ADAMTS18: variants seen among roughly 807,000 people sequenced by gnomAD.
ADAMTS18 encodes the protein A disintegrin and metalloproteinase with thrombospondin motifs 18.
In ADAMTS18, 157 loss-of-function variants were observed where a neutral mutation model predicts 165.9. The ratio of observed to expected loss-of-function variants is 0.95; its 90% CI spans 0.83 to 1.08. The LOEUF is 1.08. Among genes scored for constraint, ADAMTS18 ranks in the 50% least tolerant of loss-of-function variants. The probability of loss-of-function intolerance (pLI) is 0.00; values close to 1 mark genes in which losing one functional copy is unlikely to be tolerated. For missense variants in ADAMTS18, 2,040 were observed against 1,534.0 expected, an observed-to-expected ratio of 1.33 and a Z score of -5.51; for synonymous variants, 782 against 578.2, an observed-to-expected ratio of 1.35 and a Z score of -5.06.
At position 77,294,950 on chromosome 16, in the gene ADAMTS18, T is replaced by C. The variant is rs763693273; in HGVS notation, c.2979A>G (p.Pro993=). 5.6e-6 allele frequency: 9 copies of C among 1,614,054 alleles called. No individual in the cohort carries two copies. The highest frequency in any genetic ancestry group is 2.7e-5 in the African/African-American group (2 of 74,942). Residue 993 remains proline, a synonymous_variant, in exon 19 of 23, where the codon CCA becomes CCG. Transcript: ENST00000282849. ...VQACNSHACP[P]QWSLGPWSQC... ...GAGACCAGGGTCCAAGGCTCCATTGTGGAGGGCAGGCATGGCTGTTGCAGG... is the reference window on the plus strand; with the variant it reads ...GAGACCAGGGTCCAAGGCTCCATTGCGGAGGGCAGGCATGGCTGTTGCAGG...
In ADAMTS18 at chr16:77,289,178, G is replaced by C. The variant is rs906373968; in HGVS notation, c.3550+86C>G. On this transcript the variant is annotated intron_variant, in intron 22 of 22. Coordinates refer to ENST00000282849, the MANE Select transcript of ADAMTS18 (RefSeq NM_199355.4). ...ATGGCTTACCCTAGAGTTGTACAAT[G>C]TCACAGGCTGCACTACTAACAAAGT... 1.2e-5 allele frequency: 19 copies of C among 1,527,600 alleles called. No homozygotes were observed. The Admixed American group carries it at 3.2e-4, about 26-fold the overall frequency. The allele number at this position is 1,527,600 out of a possible 1,614,324, so 94.6% of individuals were successfully genotyped here.
intron 3 of ADAMTS18, among the ~76,000 whole-genome samples, chr16:77,419,149 A>AG (rs1335532618): frequency 1.1e-5 from 1 of 95,234 alleles, no homozygotes; most frequent in African/African-American, 3.2e-5. Flanking sequence ...ACTCCATCTC[A>AG]GGGGGAAAAA....
intron 3 of ADAMTS18, among the ~76,000 whole-genome samples, chr16:77,411,011 C>G (rs753517248): frequency 6.6e-6 from 1 of 152,180 alleles, no homozygotes; most frequent in Non-Finnish European, 1.5e-5. Flanking sequence ...CTTATTCCAA[C>G]TGAAACCCTC....
intron 3 of ADAMTS18, among the ~76,000 whole-genome samples, chr16:77,424,121 T>C (rs578215501): frequency 2.8e-4 from 43 of 152,262 alleles, no homozygotes; most frequent in South Asian, 1.5e-3. Flanking sequence ...GGAAGCCCAG[T>C]ACTTACAACA....
At position 77,303,103 on chromosome 16, in the gene ADAMTS18, C is replaced by G. The variant is rs1016673021; in HGVS notation, c.2533-2699G>C. On this transcript the variant is annotated intron_variant, in intron 16 of 22. Coordinates refer to ENST00000282849, the MANE Select transcript of ADAMTS18 (RefSeq NM_199355.4). ...CTCCCCTGCTGTCACTCAGGATGCC[C>G]TGTCCTGGCTCCAAGTCCAAGTTCT... Among the ~76,000 whole-genome samples, 44 of 152,206 alleles carry G rather than the reference C, an allele frequency of 2.9e-4. 1 individual carries two copies. Among genetic ancestry groups the G allele is most frequent in the Non-Finnish European group, 1.0e-4 (7 of 68,044 alleles).
At chr16:77,312,219 C>G (rs1458649858) in intron 16 of ADAMTS18, among the ~76,000 whole-genome samples, 1 of 150,964 alleles carries the variant, frequency 6.6e-6, no homozygotes, top group Non-Finnish European at 1.5e-5. Flanking sequence ...TTCCATTCCT[C>G]AAAAAAAACT....
chr16:77,402,420 G>C, intron 3 of ADAMTS18, among the ~76,000 whole-genome samples: 1 of 152,152 alleles, frequency 6.6e-6, no homozygotes, highest in African/African-American at 2.4e-5. Context: ...CCTTCTACGT[G>C]TGTTAGGTTC....
chr16:77,387,729 G>C (rs2057129242), intron 3 of ADAMTS18, among the ~76,000 whole-genome samples: 1 of 152,118 alleles, frequency 6.6e-6, no homozygotes, highest in Non-Finnish European at 1.5e-5. Flanking sequence ...AAAAAGTTTT[G>C]ATTCTCCAAC....
intron 3 of ADAMTS18, among the ~76,000 whole-genome samples, chr16:77,393,463 C>T (rs1313689042): frequency 2.6e-5 from 4 of 152,176 alleles, no homozygotes; most frequent in African/African-American, 9.7e-5. Flanking sequence ...TTGTATCACT[C>T]CAACATTCAC....
intron 11 of ADAMTS18, among the ~76,000 whole-genome samples, chr16:77,336,876 TAA>T (rs1024739802): frequency 1.1e-4 from 16 of 152,358 alleles, no homozygotes; most frequent in African/African-American, 3.8e-4. Flanking sequence ...TGCTCTTTTC[TAA>T]AAGCCTCTGC....
intron 8 of ADAMTS18, among the ~76,000 whole-genome samples, chr16:77,356,937 C>G (rs1194575509): frequency 6.8e-6 from 1 of 148,120 alleles, no homozygotes; most frequent in African/African-American, 2.5e-5. Context: ...AAATAAGAGT[C>G]TTTGATCTTC....
chr16:77,332,301 C>A (rs76174427), intron 12 of ADAMTS18, among the ~76,000 whole-genome samples: 86 of 152,262 alleles, frequency 5.6e-4, no homozygotes, highest in African/African-American at 2.0e-3. Flanking sequence ...CTTCAAAAGT[C>A]AGTTTCGTCA....
chr16:77,434,482 G>C lies in ADAMTS18; in HGVS notation c.114C>G (p.Cys38Trp). 2 of 1,567,708 alleles carry C rather than the reference G, an allele frequency of 1.3e-6. No individual in the cohort carries two copies. Among genetic ancestry groups the C allele is most frequent in the South Asian group, 2.3e-5 (2 of 86,298 alleles). Reference sequence around the variant, plus strand: ...CTAAGGCCGCGGCGACCGACGCACAGCAGAGGCAGCACAGCTGGAGCGCCT... The same window carrying C: ...CTAAGGCCGCGGCGACCGACGCACACCAGAGGCAGCACAGCTGGAGCGCCT... The part of the protein sequence containing the change: ...VAKALQLCCL[C>W]CASVAAALAS... Residue 38 changes from cysteine (C) to tryptophan (W), a missense_variant, in exon 2 of 23, where the codon TGC becomes TGG. By Grantham distance (215) the Cys-to-Trp change is radical. Transcript: ENST00000282849.
chr16:77,342,051 G>C (rs1284287212), intron 10 of ADAMTS18, among the ~76,000 whole-genome samples: 3 of 152,150 alleles, frequency 2.0e-5, no homozygotes, highest in Non-Finnish European at 4.4e-5. Context: ...AGTTAATTTA[G>C]AGAACACTTG....
intron 3 of ADAMTS18, among the ~76,000 whole-genome samples, chr16:77,397,345 T>G (rs907873865): frequency 2.0e-5 from 3 of 152,202 alleles, no homozygotes; most frequent in Admixed American, 1.3e-4. Flanking sequence ...TAAAGGATGT[T>G]AGACTTCCCA....
chr16:77,330,107 G>A (rs1014797774), intron 12 of ADAMTS18, among the ~76,000 whole-genome samples: 7 of 152,088 alleles, frequency 4.6e-5, no homozygotes, highest in Non-Finnish European at 7.4e-5. Flanking sequence ...AACACACCTG[G>A]TGATTCTGAT....
intron 18 of ADAMTS18, among the ~76,000 whole-genome samples, chr16:77,295,857 T>C (rs1597088628): frequency 6.6e-6 from 1 of 152,136 alleles, no homozygotes; most frequent in Non-Finnish European, 1.5e-5. Context: ...CTTTTTTTGT[T>C]TTTGAGATGG....
At chr16:77,347,744 G>A (rs551879843) in intron 10 of ADAMTS18, among the ~76,000 whole-genome samples, 3 of 152,058 alleles carry the variant, frequency 2.0e-5, no homozygotes, top group Admixed American at 6.5e-5. Context: ...TTTGGTAAGG[G>A]GATTGGCACT....
At chr16:77,288,634 G>C (rs538322667) in intron 22 of ADAMTS18, among the ~76,000 whole-genome samples, 6 of 152,178 alleles carry the variant, frequency 3.9e-5, no homozygotes, top group African/African-American at 7.2e-5. Context: ...TTTGATTTCT[G>C]AATTTTTTAT....
Sources: gnomAD v4.1 joint callset for allele counts (sites outside exome capture counted in the v4.1 genomes callset) on GRCh38, gnomAD v4.1.1 for gene constraint, MANE v1.5 for transcripts, NCBI Gene and HGNC (gene_info 2026-07-23, HGNC 2026-07-21) for gene names.